CHCHD6: variants seen among roughly 807,000 people sequenced by gnomAD.
CHCHD6 encodes the protein MICOS complex subunit MIC25.
Under a neutral mutation model 32.3 loss-of-function variants are expected in CHCHD6, and 28 were observed. The observed-to-expected ratio is 0.87, with a 90% CI of 0.64 to 1.19. The LOEUF (loss-of-function observed/expected upper bound fraction) is 1.19. Among genes scored for constraint, CHCHD6 ranks in the 50% most tolerant of loss-of-function variants. The probability of loss-of-function intolerance (pLI) is 0.00; values close to 1 mark genes in which losing one functional copy is unlikely to be tolerated. For missense variants in CHCHD6, 333 were observed against 307.0 expected (o/e 1.08, Z -0.63); for synonymous variants, 122 against 117.5 (o/e 1.04, Z -0.25).
intron 1 of CHCHD6, among the ~76,000 whole-genome samples, chr3:126,705,351 C>G (rs1291272098): frequency 6.6e-6 from 1 of 152,218 alleles, no homozygotes; most frequent in Non-Finnish European, 1.5e-5. Flanking sequence ...AGACTGTCCC[C>G]AGAACCCAGA....
At chr3:126,838,385 C>G (rs1483535753) in intron 4 of CHCHD6, among the ~76,000 whole-genome samples, 2 of 152,184 alleles carry the variant, frequency 1.3e-5, no homozygotes, top group African/African-American at 2.4e-5. Context: ...GAAGCAGCCT[C>G]TCCTGATTTT....
At chr3:126,720,650 CT>C (rs1054969287) in intron 1 of CHCHD6, among the ~76,000 whole-genome samples, 4 of 152,184 alleles carry the variant, frequency 2.6e-5, no homozygotes, top group Non-Finnish European at 5.9e-5. Context: ...ATGCCCAGAT[CT>C]TTTTGTTCAG....
chr3:126,865,710 C>T, intron 5 of CHCHD6: 2 of 985,414 alleles, frequency 2.0e-6, no homozygotes, highest in Non-Finnish European at 2.4e-6. Flanking sequence ...TTACCCTCTT[C>T]CCTGAGTCTA....
chr3:126,934,492 A>T (rs1198635583), intron 6 of CHCHD6, among the ~76,000 whole-genome samples: 1 of 137,372 alleles, frequency 7.3e-6, no homozygotes, highest in Non-Finnish European at 1.5e-5. Flanking sequence ...GCTCCACGGG[A>T]CGTCAGGGCT....
intron 4 of CHCHD6, among the ~76,000 whole-genome samples, chr3:126,843,269 T>C (rs1377800694): frequency 1.3e-5 from 2 of 152,142 alleles, no homozygotes; most frequent in Non-Finnish European, 2.9e-5. Flanking sequence ...TGGTTATGGG[T>C]ATTATCTTTT....
intron 4 of CHCHD6, among the ~76,000 whole-genome samples, chr3:126,835,952 A>G (rs1940842052): frequency 6.6e-6 from 1 of 152,254 alleles, no homozygotes; most frequent in Admixed American, 6.5e-5. Flanking sequence ...TACAGCTGTC[A>G]CAACCACAGT....
chr3:126,745,064 G>A (rs1044047299), intron 4 of CHCHD6, among the ~76,000 whole-genome samples: 1 of 152,134 alleles, frequency 6.6e-6, no homozygotes, highest in African/African-American at 2.4e-5. Context: ...GGGTGTGGGA[G>A]GGACACTCTT....
chr3:126,858,314 G>T (rs1941734135), intron 5 of CHCHD6, among the ~76,000 whole-genome samples: 1 of 137,814 alleles, frequency 7.3e-6, no homozygotes, highest in Non-Finnish European at 1.6e-5. Flanking sequence ...GGGCGGGGGG[G>T]AGGGGTGGGT....
chr3:126,743,534 G>A (rs9839330), intron 4 of CHCHD6, among the ~76,000 whole-genome samples: 12,727 of 148,742 alleles, frequency 0.086, 1,799 homozygotes, highest in African/African-American at 0.3. Context: ...CTCTGAAAAT[G>A]TCTGTTAGCA....
chr3:126,905,501 T>C (rs963848066), intron 5 of CHCHD6, among the ~76,000 whole-genome samples: 6 of 151,624 alleles, frequency 4.0e-5, no homozygotes, highest in South Asian at 2.1e-4. Context: ...AGTGCCAAGA[T>C]TGTTTACTAG....
chr3:126,735,316 G>A (rs899474492), intron 4 of CHCHD6, among the ~76,000 whole-genome samples: 1 of 152,162 alleles, frequency 6.6e-6, no homozygotes, highest in Non-Finnish European at 1.5e-5. Flanking sequence ...TATCCCTTGG[G>A]GAAGAACTTG....
chr3:126,924,212 A>G (rs1431223990), intron 6 of CHCHD6, among the ~76,000 whole-genome samples: 2 of 152,256 alleles, frequency 1.3e-5, no homozygotes, highest in African/African-American at 4.8e-5. Context: ...GCATGTGTAC[A>G]GTTGACACAC....
chr3:126,706,171 G>A (rs1252318468), intron 1 of CHCHD6, among the ~76,000 whole-genome samples: 4 of 152,204 alleles, frequency 2.6e-5, no homozygotes, highest in African/African-American at 9.7e-5. Flanking sequence ...AGTCCTCAGA[G>A]GTTCAGGGGA....
rs139712734 is a variant in CHCHD6, at chr3:126,789,699, A to G, written c.411+56477A>G. The stretch of plus-strand genomic sequence containing the variant: ...TTGGTAGATCTTCCTCCATCCCTTT[A>G]TTTTGAGCCTATATGTGTCTCTGCA... On this transcript the variant is annotated intron_variant, in intron 4 of 7. Coordinates refer to ENST00000290913, the MANE Select transcript of CHCHD6 (RefSeq NM_032343.3). Among the ~76,000 whole-genome samples the G allele has an allele frequency of 3.3e-5, 5 of 151,958 alleles. No homozygotes were observed. The East Asian group carries it at 9.7e-4, about 29-fold the overall frequency.
chr3:126,771,003 G>A (rs2107676788), intron 4 of CHCHD6, among the ~76,000 whole-genome samples: 1 of 152,146 alleles, frequency 6.6e-6, no homozygotes, highest in East Asian at 1.9e-4. Context: ...TTCAATTCTG[G>A]AACTTGTTAT....
intron 6 of CHCHD6, among the ~76,000 whole-genome samples, chr3:126,941,494 A>G (rs2078558350): frequency 1.3e-5 from 2 of 152,210 alleles, no homozygotes; most frequent in African/African-American, 4.8e-5. Context: ...TGAATTTAGA[A>G]TCACTTTGTC....
chr3:126,907,553 A>T (rs191031916), intron 5 of CHCHD6, among the ~76,000 whole-genome samples: 1 of 152,064 alleles, frequency 6.6e-6, no homozygotes, highest in Admixed American at 6.5e-5. Context: ...GAATATGTTA[A>T]TTTTCTTCAC....
chr3:126,804,325 TAAAG>T lies in CHCHD6; in HGVS notation c.412-48318_412-48315del, dbSNP rs550307405. Among the ~76,000 whole-genome samples, 418 of 150,734 alleles carry T rather than the reference TAAAG, an allele frequency of 2.8e-3. 7 individuals carry two copies. The highest frequency in any genetic ancestry group is 0.023 in the Admixed American group (354 of 15,194). The stretch of plus-strand genomic sequence containing the variant: ...ATTGATAGACCGCTAGCAAGACTAA[TAAAG>T]AAAAAAAGAGAGAAGAATCAAATAG... On this transcript the variant is annotated intron_variant, in intron 4 of 7. Coordinates refer to ENST00000290913, the MANE Select transcript of CHCHD6 (RefSeq NM_032343.3).
Position 126,852,493 on chromosome 3 carries a change from A to T in CHCHD6, c.412-154A>T, listed in dbSNP as rs1340892631. The T allele has an allele frequency of 1.3e-5, 8 of 598,400 alleles. No individual in the cohort carries two copies. The East Asian group carries it at 1.8e-4, about 13-fold the overall frequency. 37.1% of individuals were successfully genotyped at this position (598,400 alleles called of 1,614,324 possible). ...TTGTTGTGAAAATTAAGCACAATATATGTGAATGATCTGGCATATCATAAG... is the reference window on the plus strand; with the variant it reads ...TTGTTGTGAAAATTAAGCACAATATTTGTGAATGATCTGGCATATCATAAG... On this transcript the variant is annotated intron_variant, in intron 4 of 7. Coordinates refer to ENST00000290913, the MANE Select transcript of CHCHD6 (RefSeq NM_032343.3).
Sources: allele counts gnomAD v4.1 joint callset (sites outside exome capture counted in the v4.1 genomes callset), GRCh38; gene constraint gnomAD v4.1.1; transcripts MANE v1.5; gene names NCBI Gene and HGNC (gene_info 2026-07-23, HGNC 2026-07-21).